Variants in TRAT1 observed in about 807,000 individuals in gnomAD.
The protein encoded by TRAT1 is T-cell receptor-associated transmembrane adapter 1.
A neutral mutation model predicts 20.0 loss-of-function variants in TRAT1; 20 were observed. The observed-to-expected ratio is 1.00, with a 90% CI of 0.70 to 1.45. TRAT1 has a LOEUF of 1.45. Ranked by LOEUF, TRAT1 falls within the 40% of genes most tolerant of loss-of-function variation. The pLI, the probability that TRAT1 is intolerant of heterozygous loss-of-function variation, is 0.00. For missense variants in TRAT1, 237 were observed against 224.1 expected (o/e 1.06, Z -0.37); for synonymous variants, 77 against 74.2 (o/e 1.04, Z -0.20).
In TRAT1 at chr3:108,853,858, A is replaced by C; in HGVS notation, c.542A>C (p.Lys181Thr). ...PIRLFGLIRA[K>T]REPIN is the part of the protein sequence containing the mutation. The stretch of plus-strand genomic sequence containing the variant: ...AGACTGTTTGGATTGATCCGTGCTA[A>C]GAGAGAACCTATAAACTAGCTGGAC... Residue 181 changes from lysine (K) to threonine (T), a missense_variant, in exon 6 of 6, where the codon AAG becomes ACG. Lys to Thr is a moderately conservative substitution (Grantham distance 78). Coordinates refer to ENST00000295756, the MANE Select transcript of TRAT1 (RefSeq NM_016388.4). 1 of 1,614,080 alleles carries C rather than the reference A, an allele frequency of 6.2e-7. No individual in the cohort carries two copies. Among genetic ancestry groups the C allele is most frequent in the Admixed American group, 1.7e-5 (1 of 60,022 alleles).
intron 4 of TRAT1, 90 bp from the exon 5 acceptor site, chr3:108,849,076 G>T: frequency 8.9e-7 from 1 of 1,122,144 alleles, no homozygotes; most frequent in Non-Finnish European, 1.3e-6. Context: ...GTTTATATTT[G>T]CAGCCAAATG....
intron 4 of TRAT1, among the ~76,000 whole-genome samples, chr3:108,847,941 G>A (rs2107515286): frequency 6.6e-6 from 1 of 152,134 alleles, no homozygotes; most frequent in African/African-American, 2.4e-5. Flanking sequence ...TAGAAATGTG[G>A]GAATTTTCTT....
chr3:108,827,384 A>ATGTGTGTGTGTGTGTGTGTGTGTGTG, intron 1 of TRAT1, among the ~76,000 whole-genome samples: 1 of 145,218 alleles, frequency 6.9e-6, no homozygotes, highest in South Asian at 2.2e-4. Context: ...GTATGTGTGT[A>ATGTGTGTGTGTGTGTGTGTGTGTGTG]TGTGTGTGTG....
Position 108,833,081 on chromosome 3 carries a change from A to G in TRAT1, c.118+2301A>G, listed in dbSNP as rs149644774. 1.4e-4 allele frequency among the ~76,000 whole-genome samples: 22 copies of G among 152,318 alleles called. No homozygotes were observed. The East Asian group carries it at 1.9e-3, about 13-fold the overall frequency. On this transcript the variant is annotated intron_variant, in intron 2 of 5. Transcript: ENST00000295756. ...AAACTCCTTTGTGTAGTTGCTTACTATGGTAATTTGACCACTGCAGAAAGA... is the reference window on the plus strand; with the variant it reads ...AAACTCCTTTGTGTAGTTGCTTACTGTGGTAATTTGACCACTGCAGAAAGA...
At chr3:108,847,714 T>C (rs1305551827) in intron 4 of TRAT1, among the ~76,000 whole-genome samples, 1 of 152,144 alleles carries the variant, frequency 6.6e-6, no homozygotes, top group Non-Finnish European at 1.5e-5. Flanking sequence ...AAATGAAACA[T>C]CCCTAAATTT....
intron 2 of TRAT1, among the ~76,000 whole-genome samples, chr3:108,836,067 A>C (rs186589273): frequency 0.016 from 2,484 of 152,056 alleles, 29 homozygotes; most frequent in Middle Eastern, 0.044. Flanking sequence ...CTACAGGCGC[A>C]TGCCACCATG....
At chr3:108,838,495 C>T (rs760894444) in intron 2 of TRAT1, among the ~76,000 whole-genome samples, 4 of 151,948 alleles carry the variant, frequency 2.6e-5, no homozygotes, top group Non-Finnish European at 4.4e-5. Context: ...AAGATAAAAA[C>T]TTATAAGAAT....
intron 3 of TRAT1, among the ~76,000 whole-genome samples, chr3:108,845,993 G>C (rs920848052): frequency 6.6e-6 from 1 of 152,174 alleles, no homozygotes; most frequent in African/African-American, 2.4e-5. Flanking sequence ...AAATAGCTGT[G>C]TATTCTTGTC....
At position 108,829,136 on chromosome 3, in the gene TRAT1, T is replaced by G. The variant is rs537887691; in HGVS notation, c.8-1534T>G. Among the ~76,000 whole-genome samples, 3 of 152,312 alleles carry G rather than the reference T, an allele frequency of 2.0e-5. No individual in the cohort carries two copies. The East Asian group carries it at 5.8e-4, about 29-fold the overall frequency. On this transcript the variant is annotated intron_variant, in intron 1 of 5. Transcript: ENST00000295756. ...TGGCCAAAGGTAAATGATTACTGCA[T>G]CCATTAAATGCTTAATTTTAACCAA...
At position 108,853,726 on chromosome 3, in the gene TRAT1, A is replaced by G. The variant is rs57744779; in HGVS notation, c.410A>G (p.Asp137Gly). 3.7e-3 allele frequency: 5,982 copies of G among 1,614,124 alleles called. 182 individuals carry two copies. In the African/African-American group the frequency reaches 0.067, roughly 18 times the overall value. Residue 137 changes from aspartate (D) to glycine (G), a missense_variant, in exon 6 of 6, where the codon GAT (aspartate) becomes GGT (glycine). Physicochemically the swap from Asp to Gly is moderately conservative, Grantham distance 94. Transcript: ENST00000295756. ...ACTCATTTCTCAGACAAGGATGGAG[A>G]TGAGCAACTACATGCAATAGATGCC... The part of the protein sequence containing the change: ...QNTHFSDKDG[D>G]EQLHAIDASV...
rs71103495 is a variant in TRAT1, at chr3:108,844,843, C to CAAAAAA, written c.153-2204_153-2199dup. Among the ~76,000 whole-genome samples, 54 of 47,826 alleles carry CAAAAAA rather than the reference C, an allele frequency of 1.1e-3. 1 individual carries two copies. The highest frequency in any genetic ancestry group is 4.3e-3 in the African/African-American group (50 of 11,688). The allele number at this position is 47,826 out of a possible 152,430, so 31.4% of individuals were successfully genotyped here. On this transcript the variant is annotated intron_variant, in intron 3 of 5. Coordinates refer to ENST00000295756, the MANE Select transcript of TRAT1 (RefSeq NM_016388.4). ...TGGGTGACAGAGAGAGACTCTGTCT[C>CAAAAAA]AAAAAAAAAAAAAAAAAAAAAAAAA... is the stretch of plus-strand genomic sequence containing the variant.
rs1284867574 is a variant in TRAT1 at position 108,853,749 on chromosome 3, G to A, written c.433G>A (p.Ala145Thr). 6.2e-7 allele frequency: 1 copy of A among 1,614,146 alleles called. No homozygotes were observed. The highest frequency in any genetic ancestry group is 1.7e-5 in the Admixed American group (1 of 60,002). Residue 145 changes from alanine (A) to threonine (T), a missense_variant, in exon 6 of 6, where the codon GCC becomes ACC. By Grantham distance (58) the Ala-to-Thr change is moderately conservative. Transcript: ENST00000295756. ...AGATGAGCAACTACATGCAATAGATGCCAGCGTTTCTAAGACCACCTTAGT... is the reference window on the plus strand; with the variant it reads ...AGATGAGCAACTACATGCAATAGATACCAGCGTTTCTAAGACCACCTTAGT... ...DGDEQLHAID[A>T]SVSKTTLVDS...
rs1946031386 is a variant in TRAT1, at chr3:108,854,965, A to G, written c.*1088A>G. The G allele has an allele frequency of 6.6e-6, 1 of 152,050 alleles. No homozygotes were observed. Among genetic ancestry groups the G allele is most frequent in the South Asian group, 2.1e-4 (1 of 4,828 alleles). 9.4% of individuals were successfully genotyped at this position (152,050 alleles called of 1,614,324 possible). ...TTTTCTGATTGTTAAGACTTTCCTTATTACTGGTTCTAATTTGATTATAAT... is the reference window on the plus strand; with the variant it reads ...TTTTCTGATTGTTAAGACTTTCCTTGTTACTGGTTCTAATTTGATTATAAT... On this transcript the variant is annotated 3_prime_UTR_variant, in exon 6 of 6. Coordinates refer to ENST00000295756, the MANE Select transcript of TRAT1 (RefSeq NM_016388.4).
At chr3:108,850,186 T>C (rs543043812) in intron 5 of TRAT1, among the ~76,000 whole-genome samples, 133 of 152,280 alleles carry the variant, frequency 8.7e-4, no homozygotes, top group African/African-American at 2.9e-3. Flanking sequence ...AATCCAAACT[T>C]AGTCCTCTCT....
chr3:108,829,197 G>A (rs1168859109), intron 1 of TRAT1, among the ~76,000 whole-genome samples: 3 of 152,124 alleles, frequency 2.0e-5, no homozygotes, highest in Non-Finnish European at 4.4e-5. Flanking sequence ...TAAATTAACT[G>A]TAAAATGAGT....
At position 108,831,809 on chromosome 3, in the gene TRAT1, C is replaced by T. The variant is rs975306004; in HGVS notation, c.118+1029C>T. Among the ~76,000 whole-genome samples the T allele has an allele frequency of 4.6e-5, 7 of 152,062 alleles. 1 individual carries two copies. Among genetic ancestry groups the T allele is most frequent in the South Asian group, 4.1e-4 (2 of 4,824 alleles). On this transcript the variant is annotated intron_variant, in intron 2 of 5. Coordinates refer to ENST00000295756, the MANE Select transcript of TRAT1 (RefSeq NM_016388.4). ...CCTCCTGCCTTGGCCTCCCAAAACACTGAGATTACAGGTGTGAGCAACCAC... is the reference window on the plus strand; with the variant it reads ...CCTCCTGCCTTGGCCTCCCAAAACATTGAGATTACAGGTGTGAGCAACCAC...
chr3:108,851,219 T>C (rs182124432), intron 5 of TRAT1, among the ~76,000 whole-genome samples: 1 of 152,356 alleles, frequency 6.6e-6, no homozygotes, highest in Admixed American at 6.5e-5. Flanking sequence ...GACAAAGTGT[T>C]TCTTCGTTGG....
In TRAT1 at chr3:108,849,099, T is replaced by C. The variant is rs556774041; in HGVS notation, c.215-67T>C. ...TTGCAGCCAAATGTTGTTTGGATCA[T>C]GTATTTTTAATCATACTAGTATTTT... On this transcript the variant is annotated intron_variant, in intron 4 of 5. Transcript: ENST00000295756. 3.1e-6 allele frequency: 4 copies of C among 1,306,438 alleles called. No homozygotes were observed. In the Admixed American group the frequency reaches 5.5e-5, roughly 18 times the overall value. The allele number at this position is 1,306,438 out of a possible 1,614,324, so 80.9% of individuals were successfully genotyped here. A position where few individuals can be genotyped will look rare whatever the true frequency, so the allele number is the denominator to read the frequency against.
chr3:108,843,273 T>C (rs1280479271), intron 3 of TRAT1, among the ~76,000 whole-genome samples: 1 of 152,210 alleles, frequency 6.6e-6, no homozygotes, highest in Admixed American at 6.5e-5. Flanking sequence ...GGCTCACGCC[T>C]GTAATCTCAG....
Sources: allele counts gnomAD v4.1 joint callset (sites outside exome capture counted in the v4.1 genomes callset), GRCh38; gene constraint gnomAD v4.1.1; transcripts MANE v1.5; gene names NCBI Gene and HGNC (gene_info 2026-07-23, HGNC 2026-07-21).